Variants in IGF2BP2 observed in about 807,000 individuals in gnomAD.
IGF2BP2 encodes the protein insulin-like growth factor 2 mRNA-binding protein 2.
IGF2BP2 carries 17 observed loss-of-function variants against 75.8 expected under a neutral mutation model. The observed-to-expected ratio is 0.22, with a 90% confidence interval of 0.15 to 0.34. The LOEUF is 0.34. IGF2BP2 is among the 10% of genes least tolerant of loss of function. The pLI is 1.00. For synonymous variants in IGF2BP2, 288 were observed against 295.6 expected, an observed-to-expected ratio of 0.97 and a Z score of 0.26; for missense variants, 516 against 772.4, an observed-to-expected ratio of 0.67 and a Z score of 3.93.
chr3:185,821,287 C>T (rs956000885), intron 2 of IGF2BP2, among the ~76,000 whole-genome samples: 5 of 152,176 alleles, frequency 3.3e-5, no homozygotes, highest in African/African-American at 4.8e-5. Context: ...TCATACACAG[C>T]GCATTTTAAT....
intron 6 of IGF2BP2, among the ~76,000 whole-genome samples, chr3:185,688,811 T>TA (rs1385107089): frequency 7.2e-5 from 11 of 152,330 alleles, no homozygotes; most frequent in Middle Eastern, 3.4e-3. Flanking sequence ...CTTAGGAAGA[T>TA]ACAAAAATCA....
At chr3:185,813,122 A>T (rs1740133713) in intron 2 of IGF2BP2, among the ~76,000 whole-genome samples, 1 of 152,210 alleles carries the variant, frequency 6.6e-6, no homozygotes, top group African/African-American at 2.4e-5. Flanking sequence ...TGTAACTCTT[A>T]AAATGCCTTT....
chr3:185,686,567 T>C (rs756100205), intron 7 of IGF2BP2, among the ~76,000 whole-genome samples: 36 of 152,128 alleles, frequency 2.4e-4, no homozygotes, highest in Non-Finnish European at 2.1e-4. Context: ...CAATAAATGA[T>C]AGCTTTGGTG....
Position 185,649,549 on chromosome 3 carries a change from C to T in IGF2BP2, c.1462-15G>A, listed in dbSNP as rs1305510521. The T allele has an allele frequency of 6.2e-7, 1 of 1,613,762 alleles. No individual in the cohort carries two copies. Among genetic ancestry groups the T allele is most frequent in the Non-Finnish European group, 8.5e-7 (1 of 1,179,776 alleles). The stretch of plus-strand genomic sequence containing the variant: ...CGTCCCTGGGCCTGAGAGAGCAAGA[C>T]ATGACTAATGACTCTCAGTCAGCCA... On this transcript the variant is annotated splice_polypyrimidine_tract_variant and intron_variant, in intron 13 of 15. Coordinates refer to ENST00000382199, the MANE Select transcript of IGF2BP2 (RefSeq NM_006548.6).
At chr3:185,676,998 A>C (rs1577928995) in intron 7 of IGF2BP2, among the ~76,000 whole-genome samples, 1 of 135,776 alleles carries the variant, frequency 7.4e-6, no homozygotes, top group Non-Finnish European at 1.5e-5. Flanking sequence ...AGATATATAT[A>C]TATGGAGAGA....
chr3:185,783,629 C>CG (rs1487087136), intron 2 of IGF2BP2, among the ~76,000 whole-genome samples: 4 of 152,132 alleles, frequency 2.6e-5, no homozygotes, highest in African/African-American at 9.7e-5. Context: ...CCTGACTGGC[C>CG]GAAGTGGTTA....
At chr3:185,703,192 C>A (rs775223124) in intron 2 of IGF2BP2, among the ~76,000 whole-genome samples, 41 of 151,636 alleles carry the variant, frequency 2.7e-4, no homozygotes, top group Middle Eastern at 3.4e-3. Flanking sequence ...TATATGTAAT[C>A]CCAGCTCATC....
chr3:185,822,529 G>T (rs991956395), intron 2 of IGF2BP2, among the ~76,000 whole-genome samples: 3 of 152,030 alleles, frequency 2.0e-5, no homozygotes, highest in Admixed American at 1.3e-4. Flanking sequence ...TTTCACAAGG[G>T]TATTTATTTT....
intron 2 of IGF2BP2, among the ~76,000 whole-genome samples, chr3:185,720,966 C>G (rs1216170530): frequency 1.3e-5 from 2 of 152,132 alleles, no homozygotes; most frequent in African/African-American, 2.4e-5. Flanking sequence ...AAAGGAAAGA[C>G]AGAAAAGACA....
chr3:185,681,123 A>T (rs1256717019), intron 7 of IGF2BP2, among the ~76,000 whole-genome samples: 1 of 152,224 alleles, frequency 6.6e-6, no homozygotes, highest in East Asian at 1.9e-4. Flanking sequence ...AATAAAAGGC[A>T]TTCGAATTGG....
chr3:185,713,422 G>A, intron 2 of IGF2BP2: 1 of 520,064 alleles, frequency 1.9e-6, no homozygotes, highest in Non-Finnish European at 3.8e-6. Flanking sequence ...TGGGCGGCTT[G>A]GTTTAATGGC....
At chr3:185,717,620 A>C (rs1164275150) in intron 2 of IGF2BP2, 2 of 152,290 alleles carry the variant, frequency 1.3e-5, no homozygotes, top group African/African-American at 4.8e-5. Flanking sequence ...TACAGCAAAC[A>C]AGAGTTCCAA....
intron 5 of IGF2BP2, among the ~76,000 whole-genome samples, chr3:185,692,484 A>G (rs1490595514): frequency 2.0e-5 from 3 of 152,186 alleles, no homozygotes; most frequent in Non-Finnish European, 2.9e-5. Flanking sequence ...CTGGAGCTCC[A>G]CTGACATGTC....
At chr3:185,691,350 G>A (rs1426639370) in intron 5 of IGF2BP2, among the ~76,000 whole-genome samples, 1 of 151,040 alleles carries the variant, frequency 6.6e-6, no homozygotes, top group Non-Finnish European at 1.5e-5. Flanking sequence ...TGCCCACCTC[G>A]GCCTCCCAAA....
chr3:185,652,009 C>T, intron 13 of IGF2BP2, 85 bp downstream of exon 13: 1 of 1,053,336 alleles, frequency 9.5e-7, no homozygotes, highest in African/African-American at 1.6e-5. Context: ...GAGGCTGGGC[C>T]TCCAAAGAAG....
At chr3:185,765,132 G>A (rs755592576) in intron 2 of IGF2BP2, among the ~76,000 whole-genome samples, 39 of 151,986 alleles carry the variant, frequency 2.6e-4, no homozygotes, top group Non-Finnish European at 4.9e-4. Context: ...ATCTTGTGAT[G>A]GCCTCAAAAT....
At chr3:185,750,060 G>A (rs1169278805) in intron 2 of IGF2BP2, among the ~76,000 whole-genome samples, 1 of 152,188 alleles carries the variant, frequency 6.6e-6, no homozygotes, top group Non-Finnish European at 1.5e-5. Context: ...TTGTTAACAA[G>A]CAAGTTGCAG....
intron 2 of IGF2BP2, among the ~76,000 whole-genome samples, chr3:185,781,451 T>G (rs1365210810): frequency 6.6e-6 from 1 of 152,218 alleles, no homozygotes; most frequent in Non-Finnish European, 1.5e-5. Flanking sequence ...TGAAATATTC[T>G]CAATCTGACT....
In IGF2BP2 at chr3:185,805,237, T is replaced by C. The variant is rs200383280; in HGVS notation, c.239+17916A>G. On this transcript the variant is annotated intron_variant, in intron 2 of 15. Coordinates refer to ENST00000382199, the MANE Select transcript of IGF2BP2 (RefSeq NM_006548.6). ...CCAGTAAACCAAAGGCTGACAACCA[T>C]ACAACTAGAGTTAGCACATATCCAG... 1.1e-4 allele frequency among the ~76,000 whole-genome samples: 17 copies of C among 152,208 alleles called. No homozygotes were observed. In the East Asian group the frequency reaches 1.4e-3, roughly 12 times the overall value.
Sources: allele counts gnomAD v4.1 joint callset (sites outside exome capture counted in the v4.1 genomes callset), GRCh38; gene constraint gnomAD v4.1.1; transcripts MANE v1.5; gene names NCBI Gene and HGNC (gene_info 2026-07-23, HGNC 2026-07-21).